The following CCDC63 variants were observed in gnomAD, a reference collection of about 807,000 sequenced individuals.
The protein encoded by CCDC63 is coiled-coil domain-containing protein 63.
In CCDC63, 54 loss-of-function variants were observed where a neutral mutation model predicts 63.6. That is an observed-to-expected ratio of 0.85 (90% CI 0.68 to 1.07). CCDC63 has a LOEUF of 1.07. Among genes scored for constraint, CCDC63 ranks in the 50% least tolerant of loss-of-function variants. The pLI, the probability that CCDC63 is intolerant of heterozygous loss-of-function variation, is 0.00. For synonymous variants in CCDC63, 253 were observed against 266.1 expected (o/e 0.95, Z 0.48); for missense variants, 637 against 689.6 (o/e 0.92, Z 0.86).
chr12:110,880,973 T>C (rs2071199477), intron 6 of CCDC63, 142 bp from the exon 7 acceptor site: 1 of 672,460 alleles, frequency 1.5e-6, no homozygotes, highest in African/African-American at 1.9e-5. Flanking sequence ...GTAAGGAGGA[T>C]TGTTTTTACA....
At chr12:110,854,497 G>A (rs190122108) in intron 3 of CCDC63, among the ~76,000 whole-genome samples, 9 of 151,950 alleles carry the variant, frequency 5.9e-5, no homozygotes, top group African/African-American at 1.4e-4. Flanking sequence ...ATTTCACCAC[G>A]TTGGCCAGGC....
At chr12:110,856,093 T>C (rs1361606630) in intron 3 of CCDC63, among the ~76,000 whole-genome samples, 3 of 150,574 alleles carry the variant, frequency 2.0e-5, no homozygotes, top group African/African-American at 4.9e-5. Flanking sequence ...TTTTCTTTTT[T>C]TTTTTTTTTT....
chr12:110,862,459 C>T (rs985744642), intron 4 of CCDC63, among the ~76,000 whole-genome samples: 4 of 152,228 alleles, frequency 2.6e-5, no homozygotes, highest in Non-Finnish European at 5.9e-5. Flanking sequence ...TACAATTCTC[C>T]ACCAGCCGTT....
intron 10 of CCDC63, among the ~76,000 whole-genome samples, chr12:110,904,285 G>A (rs2071528671): frequency 6.7e-6 from 1 of 150,346 alleles, no homozygotes. Context: ...AGGTCGCAGT[G>A]AGCCAAGATC....
chr12:110,898,138 T>A (rs2071436743), intron 9 of CCDC63, among the ~76,000 whole-genome samples: 1 of 151,598 alleles, frequency 6.6e-6, no homozygotes, highest in Non-Finnish European at 1.5e-5. Flanking sequence ...AAAAATTAGC[T>A]GGGCATGGTG....
intron 4 of CCDC63, among the ~76,000 whole-genome samples, chr12:110,867,277 C>T (rs1282524103): frequency 0.012 from 1,166 of 101,220 alleles, 2 homozygotes; most frequent in East Asian, 0.029. Flanking sequence ...AGAGGGGCTC[C>T]TCACTTCCCA....
At chr12:110,876,714 T>C (rs1007281615) in intron 5 of CCDC63, among the ~76,000 whole-genome samples, 2 of 151,892 alleles carry the variant, frequency 1.3e-5, no homozygotes, top group Admixed American at 1.3e-4. Flanking sequence ...CGTGGTCTTT[T>C]AAAAAAACTT....
chr12:110,900,886 C>G (rs2071477753), intron 10 of CCDC63, among the ~76,000 whole-genome samples: 1 of 152,330 alleles, frequency 6.6e-6, no homozygotes, highest in East Asian at 1.9e-4. Flanking sequence ...GCGTGAGCCA[C>G]TGCGCCCAGC....
intron 4 of CCDC63, among the ~76,000 whole-genome samples, chr12:110,868,828 C>T (rs1027715450): frequency 1.3e-5 from 2 of 149,574 alleles, no homozygotes; most frequent in Admixed American, 6.7e-5. Context: ...TTTAGTTGGG[C>T]TTTCTGTAAC....
chr12:110,866,477 G>T (rs1593653660), intron 4 of CCDC63, among the ~76,000 whole-genome samples: 1 of 143,800 alleles, frequency 7.0e-6, no homozygotes, highest in South Asian at 2.3e-4. Context: ...CTTCCGCAGT[G>T]TTTGTGTCCC....
intron 8 of CCDC63, among the ~76,000 whole-genome samples, chr12:110,884,688 T>G (rs2071255133): frequency 6.6e-6 from 1 of 151,496 alleles, no homozygotes; most frequent in African/African-American, 2.4e-5. Context: ...CCCTTACTTT[T>G]TATTTGTATT....
chr12:110,906,796 G>T (rs968410389), intron 11 of CCDC63, among the ~76,000 whole-genome samples: 2 of 152,122 alleles, frequency 1.3e-5, no homozygotes, highest in Non-Finnish European at 2.9e-5. Context: ...TAAAAGGTTG[G>T]GGGGAGAGGT....
chr12:110,886,444 G>C (rs1433784307), intron 8 of CCDC63, among the ~76,000 whole-genome samples: 2 of 152,056 alleles, frequency 1.3e-5, no homozygotes, highest in African/African-American at 4.8e-5. Flanking sequence ...AATAAAATGG[G>C]TAAATTGAGG....
At chr12:110,878,273 T>C (rs1043242998) in intron 5 of CCDC63, among the ~76,000 whole-genome samples, 2 of 152,160 alleles carry the variant, frequency 1.3e-5, no homozygotes, top group Non-Finnish European at 2.9e-5. Flanking sequence ...CATACATATA[T>C]ACACACATAT....
chr12:110,864,423 TAA>T (rs35404744), intron 4 of CCDC63, among the ~76,000 whole-genome samples: 44 of 124,532 alleles, frequency 3.5e-4, no homozygotes, highest in Non-Finnish European at 3.1e-4. Context: ...GACCCTGTCT[TAA>T]AAAAAAAAAA....
In CCDC63 at chr12:110,852,848, A is replaced by G; in HGVS notation, c.-96-11A>G. On this transcript the variant is annotated splice_polypyrimidine_tract_variant and intron_variant, in intron 1 of 11. Transcript: ENST00000308208. The stretch of plus-strand genomic sequence containing the variant: ...GCTTACAAGTTCTCTTCCTTTTGCC[A>G]CCATGAACAGGGCATTGCAGAGAGA... The G allele has an allele frequency of 6.3e-7, 1 of 1,581,764 alleles. No homozygotes were observed. Among genetic ancestry groups the G allele is most frequent in the South Asian group, 1.1e-5 (1 of 90,352 alleles).
At chr12:110,900,316 C>T (rs976683650) in intron 10 of CCDC63, among the ~76,000 whole-genome samples, 1 of 152,028 alleles carries the variant, frequency 6.6e-6, no homozygotes, top group Non-Finnish European at 1.5e-5. Context: ...AGATCAGGAA[C>T]AAGGAAGGGA....
chr12:110,899,057 C>T lies in CCDC63; in HGVS notation c.1274C>T (p.Ala425Val). ...CTGTTCAAGAAGATAAACTGTGACG[C>T]CACCAAGATCCTGGTGCAGTTAGGG... is the stretch of plus-strand genomic sequence containing the variant. ...EKLFKKINCD[A>V]TKILVQLGET... The change falls in exon 10 of 12, where the codon GCC becomes GTC. Residue 425 changes from alanine to valine, a missense_variant. By Grantham distance (64) the Ala-to-Val change is moderately conservative. Coordinates refer to ENST00000308208, the MANE Select transcript of CCDC63 (RefSeq NM_152591.3). The T allele has an allele frequency of 6.2e-7, 1 of 1,613,900 alleles. No individual in the cohort carries two copies. Among genetic ancestry groups the T allele is most frequent in the African/African-American group, 1.3e-5 (1 of 75,034 alleles).
chr12:110,904,822 T>C (rs1334745694), intron 11 of CCDC63, 31 bp downstream of exon 11: 1 of 1,552,158 alleles, frequency 6.4e-7, no homozygotes, highest in South Asian at 1.2e-5. Context: ...TCTGCACAGG[T>C]TGCTAGGGAA....
Sources: gnomAD v4.1 joint callset for allele counts (sites outside exome capture counted in the v4.1 genomes callset) on GRCh38, gnomAD v4.1.1 for gene constraint, MANE v1.5 for transcripts, NCBI Gene and HGNC (gene_info 2026-07-23, HGNC 2026-07-21) for gene names.